DNM3: variants seen among roughly 807,000 people sequenced by gnomAD.
DNM3 encodes dynamin 3, also known as dynamin-3.
Under a neutral mutation model 101.6 loss-of-function variants are expected in DNM3, and 47 were observed. The ratio of observed to expected loss-of-function variants is 0.46; its 90% confidence interval spans 0.37 to 0.59. The LOEUF is 0.59. DNM3 is among the 20% of genes least tolerant of loss of function. The pLI is 0.00. For synonymous variants in DNM3, 385 were observed against 387.9 expected, an observed-to-expected ratio of 0.99 and a Z score of 0.09; for missense variants, 849 against 1,085.7, an observed-to-expected ratio of 0.78 and a Z score of 3.06.
intron 14 of DNM3, chr1:172,138,956 G>A (rs933560713): frequency 8.5e-6 from 4 of 471,318 alleles, no homozygotes; most frequent in Non-Finnish European, 1.8e-5. Context: ...CAATCAGCCT[G>A]TTTTCCAGAT....
At chr1:172,210,314 C>CTTTTTTTTTT (rs11330467) in intron 14 of DNM3, among the ~76,000 whole-genome samples, 14 of 84,856 alleles carry the variant, frequency 1.6e-4, no homozygotes, top group African/African-American at 2.7e-4. Flanking sequence ...AGAGAGCGTG[C>CTTTTTTTTTT]TTTTTTTTTT....
At chr1:171,899,196 C>T (rs554891727) in intron 1 of DNM3, among the ~76,000 whole-genome samples, 1 of 152,290 alleles carries the variant, frequency 6.6e-6, no homozygotes, top group African/African-American at 2.4e-5. Flanking sequence ...GTGTGTTTTC[C>T]CCGCTGCTGC....
chr1:171,900,932 C>A (rs1318771299), intron 1 of DNM3, among the ~76,000 whole-genome samples: 5 of 141,422 alleles, frequency 3.5e-5, no homozygotes, highest in African/African-American at 1.1e-4. Flanking sequence ...CACGGTGAAA[C>A]CCAGTCTCTA....
chr1:172,044,126 A>G lies in DNM3; in HGVS notation c.1129-259A>G, dbSNP rs188863750. On this transcript the variant is annotated intron_variant, in intron 8 of 20. Transcript: ENST00000627582. Reference sequence around the variant, plus strand: ...CAAATGAATGGCTAGATTTATGTCCAGAAGGCATCCTTATGCATAGCACTC... The same window carrying G: ...CAAATGAATGGCTAGATTTATGTCCGGAAGGCATCCTTATGCATAGCACTC... Among the ~76,000 whole-genome samples the G allele has an allele frequency of 2.6e-4, 40 of 152,348 alleles. No individual in the cohort carries two copies. The East Asian group carries it at 7.3e-3, about 28-fold the overall frequency.
chr1:172,116,828 C>T (rs1465715677), intron 13 of DNM3, among the ~76,000 whole-genome samples: 1 of 152,040 alleles, frequency 6.6e-6, no homozygotes, highest in East Asian at 1.9e-4. Context: ...GTCATGAAAA[C>T]TTTTTTCATG....
chr1:171,843,791 A>T (rs1357571386), intron 1 of DNM3, among the ~76,000 whole-genome samples: 2 of 152,204 alleles, frequency 1.3e-5, no homozygotes, highest in Non-Finnish European at 2.9e-5. Flanking sequence ...TGAAAAAAGA[A>T]ATGTAGAAGA....
At chr1:172,255,282 T>C (rs2062351997) in intron 15 of DNM3, among the ~76,000 whole-genome samples, 3 of 152,108 alleles carry the variant, frequency 2.0e-5, no homozygotes, top group Non-Finnish European at 2.9e-5. Flanking sequence ...GAGAGAATAG[T>C]AGTGAGTCTG....
chr1:172,305,030 A>T (rs1005077234), intron 15 of DNM3, among the ~76,000 whole-genome samples: 8 of 152,218 alleles, frequency 5.3e-5, no homozygotes, highest in African/African-American at 1.9e-4. Context: ...AATAACTAAG[A>T]TCAGAGCAGA....
intron 14 of DNM3, among the ~76,000 whole-genome samples, chr1:172,184,866 C>T (rs963351870): frequency 6.6e-6 from 1 of 152,064 alleles, no homozygotes; most frequent in Non-Finnish European, 1.5e-5. Context: ...GAGATTTGAT[C>T]CCCTAGTTGG....
rs2071274753 is a variant in DNM3 at position 172,412,620 on chromosome 1, A to C, written c.*4779A>C. 1.0e-6 allele frequency: 1 copy of C among 985,744 alleles called. No homozygotes were observed. The highest frequency in any genetic ancestry group is 1.2e-6 in the Non-Finnish European group (1 of 829,940). The allele number at this position is 985,744 out of a possible 1,614,324, so 61.1% of individuals were successfully genotyped here. ...CTTAGAATGGAATTTTTGAAGAAAAATCTCAAAGCCTGTATCGTTCTTGAA... is the reference window on the plus strand; with the variant it reads ...CTTAGAATGGAATTTTTGAAGAAAACTCTCAAAGCCTGTATCGTTCTTGAA... On this transcript the variant is annotated 3_prime_UTR_variant, in exon 21 of 21. Coordinates refer to ENST00000627582, the MANE Select transcript of DNM3 (RefSeq NM_015569.5).
chr1:172,240,573 T>C (rs2061713057), intron 14 of DNM3, among the ~76,000 whole-genome samples: 1 of 152,206 alleles, frequency 6.6e-6, no homozygotes, highest in South Asian at 2.1e-4. Flanking sequence ...AAAATAACAC[T>C]GTTATTTAAG....
At chr1:171,932,802 A>G (rs1362123759) in intron 2 of DNM3, among the ~76,000 whole-genome samples, 2 of 152,220 alleles carry the variant, frequency 1.3e-5, no homozygotes, top group East Asian at 1.9e-4. Flanking sequence ...AATACTCATC[A>G]TGCAAATACT....
At chr1:172,163,580 G>A (rs998467654) in intron 14 of DNM3, among the ~76,000 whole-genome samples, 21 of 151,844 alleles carry the variant, frequency 1.4e-4, no homozygotes, top group African/African-American at 1.2e-4. Context: ...GTAGGTTTCC[G>A]GAACTTAGTT....
intron 14 of DNM3, chr1:172,136,821 C>T (rs896362903): frequency 2.0e-5 from 3 of 152,000 alleles, no homozygotes; most frequent in African/African-American, 7.2e-5. Flanking sequence ...CAATATTATC[C>T]TTTATATTAC....
chr1:171,985,920 T>G (rs1254554734), intron 2 of DNM3, among the ~76,000 whole-genome samples: 1 of 152,180 alleles, frequency 6.6e-6, no homozygotes, highest in Non-Finnish European at 1.5e-5. Flanking sequence ...ACACTCACAT[T>G]AATGCACACG....
At chr1:172,391,642 T>G (rs1215291681) in intron 20 of DNM3, among the ~76,000 whole-genome samples, 1 of 152,222 alleles carries the variant, frequency 6.6e-6, no homozygotes, top group Admixed American at 6.5e-5. Flanking sequence ...TATCAAAAAC[T>G]TAGAAAGTTG....
chr1:172,205,464 C>A (rs1034266311), intron 14 of DNM3, among the ~76,000 whole-genome samples: 2 of 151,710 alleles, frequency 1.3e-5, no homozygotes, highest in African/African-American at 4.8e-5. Context: ...ACGAAACATA[C>A]CATAAATTAA....
chr1:172,312,911 C>A (rs555236398), intron 16 of DNM3, among the ~76,000 whole-genome samples: 2 of 152,250 alleles, frequency 1.3e-5, no homozygotes, highest in Middle Eastern at 3.4e-3. Flanking sequence ...GGATCCAAAG[C>A]AAAATGTAGA....
chr1:172,148,618 T>C (rs2058012559), intron 14 of DNM3, among the ~76,000 whole-genome samples: 1 of 152,136 alleles, frequency 6.6e-6, no homozygotes, highest in South Asian at 2.1e-4. Context: ...GATATAATCT[T>C]GTGTGAAAAG....
Sources: gnomAD v4.1 joint callset for allele counts (sites outside exome capture counted in the v4.1 genomes callset) on GRCh38, gnomAD v4.1.1 for gene constraint, MANE v1.5 for transcripts, NCBI Gene and HGNC (gene_info 2026-07-23, HGNC 2026-07-21) for gene names.